Variants in TTLL5 observed in about 807,000 individuals in gnomAD.
TTLL5 encodes the protein tubulin polyglutamylase TTLL5.
Under a neutral mutation model 168.4 loss-of-function variants are expected in TTLL5, and 132 were observed. The ratio of observed to expected loss-of-function variants is 0.78; its 90% CI spans 0.68 to 0.91. TTLL5 has a LOEUF of 0.91. Among genes scored for constraint, TTLL5 ranks in the 40% least tolerant of loss-of-function variants. TTLL5 has a pLI of 0.00. For missense variants in TTLL5, 1,545 were observed against 1,581.5 expected, an observed-to-expected ratio of 0.98 and a Z score of 0.39; for synonymous variants, 546 against 558.6, an observed-to-expected ratio of 0.98 and a Z score of 0.32.
At chr14:75,681,499 TAC>T in intron 3 of TTLL5, 44 bp from the exon 4 acceptor site, 1 of 1,530,524 alleles carries the variant, frequency 6.5e-7, no homozygotes, top group South Asian at 1.1e-5. Context: ...TTTTTGTTTT[TAC>T]AGTTAACTTT....
In TTLL5 at chr14:75,733,993, G is replaced by A; in HGVS notation, c.1129G>A (p.Ala377Thr). ...TTTCTTTCTCTGTTCTGTTAGTGATGCGCCTCTGGACCTAAAGATTAAAGC... is the reference window on the plus strand; with the variant it reads ...TTTCTTTCTCTGTTCTGTTAGTGATACGCCTCTGGACCTAAAGATTAAAGC... ...VNLSPSLACD[A>T]PLDLKIKASM... Residue 377 changes from alanine to threonine, a missense_variant, in exon 14 of 32, where the codon GCG becomes ACG. By Grantham distance (58) the Ala-to-Thr change is moderately conservative. Transcript: ENST00000298832. The A allele has an allele frequency of 6.2e-7, 1 of 1,613,896 alleles. No homozygotes were observed. The highest frequency in any genetic ancestry group is 8.5e-7 in the Non-Finnish European group (1 of 1,179,882).
intron 31 of TTLL5, among the ~76,000 whole-genome samples, chr14:75,941,738 T>C (rs930570505): frequency 6.6e-6 from 1 of 151,920 alleles, no homozygotes; most frequent in Non-Finnish European, 1.5e-5. Flanking sequence ...ACTCTTGAGC[T>C]CAAGTGATTC....
At chr14:75,944,980 T>C (rs978760089) in intron 31 of TTLL5, among the ~76,000 whole-genome samples, 1 of 151,818 alleles carries the variant, frequency 6.6e-6, no homozygotes, top group African/African-American at 2.4e-5. Flanking sequence ...CATGCTCATC[T>C]CCCAAGTGCT....
intron 20 of TTLL5, 123 bp downstream of exon 20, chr14:75,766,491 T>G: frequency 1.0e-6 from 1 of 977,696 alleles, no homozygotes; most frequent in Non-Finnish European, 1.5e-6. Flanking sequence ...TCCTATGAAA[T>G]AATGACTGTG....
At chr14:75,870,020 C>T (rs1465847844) in intron 29 of TTLL5, among the ~76,000 whole-genome samples, 1 of 151,750 alleles carries the variant, frequency 6.6e-6, no homozygotes, top group Non-Finnish European at 1.5e-5. Flanking sequence ...GGGTTTTCAC[C>T]ATAGTGGTGA....
intron 18 of TTLL5, among the ~76,000 whole-genome samples, chr14:75,755,194 G>A (rs1021873931): frequency 2.0e-5 from 3 of 152,040 alleles, no homozygotes; most frequent in Non-Finnish European, 4.4e-5. Flanking sequence ...GAACCTGGGA[G>A]GTGGAGGTTG....
At chr14:75,851,194 A>G (rs1048195809) in intron 28 of TTLL5, among the ~76,000 whole-genome samples, 1 of 152,008 alleles carries the variant, frequency 6.6e-6, no homozygotes, top group African/African-American at 2.4e-5. Flanking sequence ...ATGAAAAAGC[A>G]GGTTATAAAG....
intron 28 of TTLL5, among the ~76,000 whole-genome samples, chr14:75,859,015 G>T (rs1056596300): frequency 6.6e-6 from 1 of 152,206 alleles, no homozygotes; most frequent in Admixed American, 6.5e-5. Flanking sequence ...TTGCAAGCAC[G>T]ATCAAAAAGA....
At chr14:75,818,865 A>G (rs1894663128) in intron 27 of TTLL5, among the ~76,000 whole-genome samples, 2 of 152,186 alleles carry the variant, frequency 1.3e-5, no homozygotes, top group Non-Finnish European at 2.9e-5. Context: ...ATTTAACAAT[A>G]TTGTTAGCCA....
intron 3 of TTLL5, among the ~76,000 whole-genome samples, chr14:75,672,215 A>G (rs1883802373): frequency 6.6e-6 from 1 of 152,122 alleles, no homozygotes; most frequent in Non-Finnish European, 1.5e-5. Context: ...CCACTTTGTC[A>G]GAGTGTAATT....
chr14:75,766,686 C>T (rs1890984314), intron 20 of TTLL5, among the ~76,000 whole-genome samples: 1 of 152,076 alleles, frequency 6.6e-6, no homozygotes, highest in South Asian at 2.1e-4. Flanking sequence ...AGAGCTCAGG[C>T]CATGGCCCCA....
At chr14:75,850,289 C>G (rs1007536001) in intron 28 of TTLL5, among the ~76,000 whole-genome samples, 5 of 151,432 alleles carry the variant, frequency 3.3e-5, no homozygotes, top group Non-Finnish European at 5.9e-5. Context: ...GCCTGTAATC[C>G]CAGCTACTAG....
intron 26 of TTLL5, 37 bp from the exon 27 acceptor site, chr14:75,792,879 T>A: frequency 6.6e-7 from 1 of 1,507,308 alleles, no homozygotes; most frequent in Non-Finnish European, 8.9e-7. Context: ...AGGCCTTTTT[T>A]TCCTAAATGA....
chr14:75,937,149 G>C (rs1036948588), intron 31 of TTLL5, among the ~76,000 whole-genome samples: 1 of 147,224 alleles, frequency 6.8e-6, no homozygotes, highest in Non-Finnish European at 1.5e-5. Context: ...TCAGAGTCTT[G>C]CTCTGTCACC....
rs369834750 is a variant in TTLL5, at chr14:75,752,876, C to G, written c.1488-17C>G. 1 of 1,610,660 alleles carries G rather than the reference C, an allele frequency of 6.2e-7. No individual in the cohort carries two copies. Among genetic ancestry groups the G allele is most frequent in the South Asian group, 1.1e-5 (1 of 90,664 alleles). ...AACTAGCTTAAGAAATAACCAGTTT[C>G]TTTCTTTGCTTTTCAGGTCCTACCT... On this transcript the variant is annotated splice_polypyrimidine_tract_variant and intron_variant, in intron 17 of 31. Transcript: ENST00000298832.
intron 31 of TTLL5, among the ~76,000 whole-genome samples, chr14:75,954,160 G>A (rs2035042371): frequency 6.7e-6 from 1 of 150,132 alleles, no homozygotes; most frequent in African/African-American, 2.5e-5. Context: ...GGCTGAGGCA[G>A]GAGAATGGTG....
chr14:75,875,407 C>T (rs1424472425), intron 29 of TTLL5, among the ~76,000 whole-genome samples: 1 of 150,094 alleles, frequency 6.7e-6, no homozygotes, highest in Non-Finnish European at 1.5e-5. Context: ...AAATTAGCTG[C>T]GTGTGGTGGC....
rs186632038 is a variant in TTLL5, at chr14:75,853,998, A to G, written c.3327-9669A>G. Among the ~76,000 whole-genome samples, 3 of 152,196 alleles carry G rather than the reference A, an allele frequency of 2.0e-5. No individual in the cohort carries two copies. In the East Asian group the frequency reaches 5.8e-4, roughly 29 times the overall value. ...GCAGAGGTTGCAGTGAGCGGAGACC[A>G]TGCCACTGCCCTCCAGTCAGGGTGG... On this transcript the variant is annotated intron_variant, in intron 28 of 31. Transcript: ENST00000298832.
Position 75,773,927 on chromosome 14 carries a change from T to TAGAGAGAG in TTLL5, c.2137-1535_2137-1528dup, listed in dbSNP as rs1266575647. Among the ~76,000 whole-genome samples the TAGAGAGAG allele has an allele frequency of 6.4e-3, 134 of 21,090 alleles. 4 individuals carry two copies. The highest frequency in any genetic ancestry group is 8.1e-3 in the Non-Finnish European group (86 of 10,608). The allele number at this position is 21,090 out of a possible 152,430, so 13.8% of individuals were successfully genotyped here. ...AAATACATATATATATATATATATA[T>TAGAGAGAG]AGAGAGAGAGAGAGAGAGAGAGAGA... On this transcript the variant is annotated intron_variant, in intron 21 of 31. Coordinates refer to ENST00000298832, the MANE Select transcript of TTLL5 (RefSeq NM_015072.5).
Sources: gnomAD v4.1 joint callset for allele counts (sites outside exome capture counted in the v4.1 genomes callset) on GRCh38, gnomAD v4.1.1 for gene constraint, MANE v1.5 for transcripts, NCBI Gene and HGNC (gene_info 2026-07-23, HGNC 2026-07-21) for gene names.